TENM2: variants seen among roughly 807,000 people sequenced by gnomAD.
The protein encoded by TENM2 is teneurin transmembrane protein 2, also known as teneurin-2.
A neutral mutation model predicts 245.2 loss-of-function variants in TENM2; 52 were observed. The observed-to-expected ratio is 0.21, with a 90% CI of 0.17 to 0.27. TENM2 has a LOEUF of 0.27. Ranked by LOEUF, TENM2 falls within the 10% of genes least tolerant of loss-of-function variation. TENM2 has a pLI of 1.00. For missense variants in TENM2, 3,046 were observed against 3,666.8 expected (o/e 0.83, Z 4.37); for synonymous variants, 1,363 against 1,438.9 (o/e 0.95, Z 1.19).
At chr5:167,931,999 C>T (rs747969449) in intron 3 of TENM2, among the ~76,000 whole-genome samples, 5 of 152,042 alleles carry the variant, frequency 3.3e-5, no homozygotes, top group Non-Finnish European at 7.4e-5. Context: ...AAATAGTAGG[C>T]GAGATATAAA....
intron 10 of TENM2, among the ~76,000 whole-genome samples, chr5:168,123,135 GAAAAAA>G (rs35506770): frequency 9.7e-6 from 1 of 103,064 alleles, no homozygotes; most frequent in Non-Finnish European, 2.2e-5. Flanking sequence ...CATTTCTAGA[GAAAAAA>G]AAAAAAACAT....
upstream of TENM2, among the ~76,000 whole-genome samples, chr5:167,280,756 GTCTA>G (rs70976408): frequency 0.14 from 20,003 of 145,196 alleles, 1,621 homozygotes; most frequent in Admixed American, 0.2. Context: ...CTATCTGTCT[GTCTA>G]TCTATCTATC....
At chr5:167,404,023 T>C (rs1762501213) in intron 2 of TENM2, among the ~76,000 whole-genome samples, 1 of 152,094 alleles carries the variant, frequency 6.6e-6, no homozygotes, top group African/African-American at 2.4e-5. Context: ...GGCTCACCTA[T>C]TTTCCCTCTA....
intron 2 of TENM2, among the ~76,000 whole-genome samples, chr5:167,873,711 A>G (rs987548148): frequency 1.3e-5 from 2 of 152,158 alleles, no homozygotes; most frequent in Non-Finnish European, 2.9e-5. Flanking sequence ...GAGACCTGGG[A>G]TGAGGGAGGT....
the TENM2 span, among the ~76,000 whole-genome samples, chr5:167,079,767 T>C: frequency 6.6e-6 from 1 of 152,210 alleles, no homozygotes; most frequent in Non-Finnish European, 1.5e-5. Context: ...TGAAATGTGT[T>C]CCTTTGATAT....
At chr5:167,626,564 G>C (rs886074154) in intron 2 of TENM2, among the ~76,000 whole-genome samples, 1 of 152,114 alleles carries the variant, frequency 6.6e-6, no homozygotes, top group Admixed American at 6.5e-5. Flanking sequence ...ACATTTCTGG[G>C]CACTAGCCCA....
chr5:168,191,310 C>T (rs1717061283), intron 14 of TENM2, among the ~76,000 whole-genome samples: 1 of 152,210 alleles, frequency 6.6e-6, no homozygotes, highest in Admixed American at 6.5e-5. Context: ...TCCCCACCAC[C>T]CCATCCCCTC....
chr5:167,371,765 T>C (rs776785261), intron 1 of TENM2, among the ~76,000 whole-genome samples: 41 of 152,194 alleles, frequency 2.7e-4, no homozygotes, highest in Non-Finnish European at 5.6e-4. Context: ...TGTCATGGAC[T>C]ATATTTTTAT....
chr5:166,987,102 A>C, the TENM2 span, among the ~76,000 whole-genome samples: 1 of 152,154 alleles, frequency 6.6e-6, no homozygotes, highest in African/African-American at 2.4e-5. Flanking sequence ...CTCTAGGTAT[A>C]TGAGGGGCAC....
At chr5:167,839,731 C>T (rs1458901850) in intron 2 of TENM2, among the ~76,000 whole-genome samples, 1 of 152,064 alleles carries the variant, frequency 6.6e-6, no homozygotes, top group African/African-American at 2.4e-5. Flanking sequence ...GGAAGGAATA[C>T]CAGTTTTTGC....
At chr5:167,644,851 A>G (rs1779828466) in intron 2 of TENM2, among the ~76,000 whole-genome samples, 1 of 152,192 alleles carries the variant, frequency 6.6e-6, no homozygotes, top group African/African-American at 2.4e-5. Context: ...TTCAACATCA[A>G]GAATATGTTC....
At chr5:167,054,402 T>C in the TENM2 span, among the ~76,000 whole-genome samples, 2 of 152,312 alleles carry the variant, frequency 1.3e-5, no homozygotes, top group Admixed American at 1.3e-4. Context: ...TATTCCATTG[T>C]CTGGATATAA....
At chr5:167,554,555 C>T (rs1482366137) in intron 2 of TENM2, among the ~76,000 whole-genome samples, 2 of 152,208 alleles carry the variant, frequency 1.3e-5, no homozygotes, top group South Asian at 2.1e-4. Flanking sequence ...AGAAAAGACA[C>T]TTCCAATGGC....
At position 168,177,483 on chromosome 5, in the gene TENM2, G is replaced by A. The variant is rs541416691; in HGVS notation, c.2570-12854G>A. Among the ~76,000 whole-genome samples, 3 of 152,228 alleles carry A rather than the reference G, an allele frequency of 2.0e-5. No individual in the cohort carries two copies. In the South Asian group the frequency reaches 6.2e-4, roughly 32 times the overall value. ...CACAGATCAGCTGCCTCTAGATCCC[G>A]TGATCATAATTGGCAGTATGATACT... On this transcript the variant is annotated intron_variant, in intron 13 of 28. Coordinates refer to ENST00000518659, the Ensembl canonical transcript of TENM2.
chr5:167,614,823 A>T (rs1327551934), intron 2 of TENM2, among the ~76,000 whole-genome samples: 1 of 152,126 alleles, frequency 6.6e-6, no homozygotes, highest in African/African-American at 2.4e-5. Flanking sequence ...CCTGGCAGTT[A>T]GTTTCTTAAA....
chr5:167,976,606 A>G (rs796584388), intron 4 of TENM2, among the ~76,000 whole-genome samples: 14 of 152,310 alleles, frequency 9.2e-5, no homozygotes, highest in African/African-American at 3.4e-4. Context: ...AATTTTTTCA[A>G]TCCCTTACTA....
At chr5:167,067,377 A>G in the TENM2 span, among the ~76,000 whole-genome samples, 233 of 152,186 alleles carry the variant, frequency 1.5e-3, 1 homozygote, top group African/African-American at 5.1e-3. Flanking sequence ...TGAAAATATG[A>G]TTGTGTTTTG....
intron 17 of TENM2, 74 bp downstream of exon 19, chr5:168,200,205 T>G: frequency 1.5e-6 from 2 of 1,375,198 alleles, no homozygotes; most frequent in East Asian, 4.8e-5. Flanking sequence ...TTTATTGAGT[T>G]CCGAGGATAT....
intron 2 of TENM2, among the ~76,000 whole-genome samples, chr5:167,604,965 A>G (rs531855031): frequency 2.6e-5 from 4 of 152,250 alleles, no homozygotes; most frequent in Non-Finnish European, 5.9e-5. Context: ...ACAAATAGGA[A>G]GATGATATGC....
Sources: gnomAD v4.1 joint callset for allele counts (sites outside exome capture counted in the v4.1 genomes callset) on GRCh38, gnomAD v4.1.1 for gene constraint, MANE v1.5 for transcripts, NCBI Gene and HGNC (gene_info 2026-07-23, HGNC 2026-07-21) for gene names.